Variants in RYR2 observed in about 807,000 individuals in gnomAD.
RYR2 encodes the protein cardiac muscle ryanodine receptor-calcium release channel.
A neutral mutation model predicts 601.1 loss-of-function variants in RYR2; 227 were observed. That is an observed-to-expected ratio of 0.38 (90% CI 0.34 to 0.42). The LOEUF is 0.42. Among genes scored for constraint, RYR2 ranks in the 10% least tolerant of loss-of-function variants. The probability of loss-of-function intolerance (pLI) is 1.00; values close to 1 mark genes in which losing one functional copy is unlikely to be tolerated. For missense variants in RYR2, 4,646 were observed against 6,156.5 expected (o/e 0.75, Z 8.21); for synonymous variants, 2,223 against 2,175.1 (o/e 1.02, Z -0.61).
At chr1:237,789,858 G>C (rs550910459) in intron 92 of RYR2, among the ~76,000 whole-genome samples, 1 of 152,260 alleles carries the variant, frequency 6.6e-6, no homozygotes, top group East Asian at 1.9e-4. Context: ...TGAGAGCTCA[G>C]CCTAGCTAAC....
chr1:237,811,850 G>A (rs1238213496), intron 100 of RYR2, among the ~76,000 whole-genome samples: 2 of 152,074 alleles, frequency 1.3e-5, no homozygotes, highest in Admixed American at 6.6e-5. Flanking sequence ...TGGTTTCCAC[G>A]TGCTAGTGAC....
chr1:237,051,304 T>TCTC (rs1661247115), intron 1 of RYR2, among the ~76,000 whole-genome samples: 2 of 70,786 alleles, frequency 2.8e-5, no homozygotes, highest in African/African-American at 1.3e-4. Context: ...CTCTCTCTCT[T>TCTC]TCTCTTTATC....
At chr1:237,599,808 CAAAA>C (rs56123861) in intron 34 of RYR2, among the ~76,000 whole-genome samples, 6,118 of 107,836 alleles carry the variant, frequency 0.057, 132 homozygotes, top group African/African-American at 0.1. Flanking sequence ...GACTCCATCT[CAAAA>C]AAAAAAAAAA....
At chr1:237,552,380 TA>T (rs911203281) in intron 27 of RYR2, among the ~76,000 whole-genome samples, 3 of 152,294 alleles carry the variant, frequency 2.0e-5, no homozygotes, top group South Asian at 2.1e-4. Flanking sequence ...AAAAACAATT[TA>T]AAAAATAGTT....
intron 17 of RYR2, among the ~76,000 whole-genome samples, chr1:237,490,543 T>C (rs530844346): frequency 1.3e-5 from 2 of 152,326 alleles, no homozygotes; most frequent in African/African-American, 4.8e-5. Flanking sequence ...TCAGTTTTAG[T>C]ATACTTATAT....
intron 3 of RYR2, among the ~76,000 whole-genome samples, chr1:237,340,543 A>ACAC (rs1697678909): frequency 6.6e-6 from 1 of 152,208 alleles, no homozygotes; most frequent in South Asian, 2.1e-4. Flanking sequence ...GTGTGTGTTT[A>ACAC]TATTGTAGAC....
At chr1:237,561,728 G>A (rs997285724) in intron 27 of RYR2, among the ~76,000 whole-genome samples, 4 of 152,160 alleles carry the variant, frequency 2.6e-5, no homozygotes, top group African/African-American at 9.7e-5. Flanking sequence ...AGGAGTACCA[G>A]CCCCAGGAAG....
intron 2 of RYR2, among the ~76,000 whole-genome samples, chr1:237,280,781 G>GTTTTTTTTT (rs35115328): frequency 2.8e-5 from 4 of 143,668 alleles, no homozygotes; most frequent in Non-Finnish European, 4.6e-5. Context: ...CTTCTTACTG[G>GTTTTTTTTT]TTTTTTTTTT....
rs146786776 is a variant in RYR2 at position 237,367,682 on chromosome 1, T to C, written c.310-1852T>C. Among the ~76,000 whole-genome samples the C allele has an allele frequency of 1.9e-4, 29 of 152,342 alleles. No individual in the cohort carries two copies. In the East Asian group the frequency reaches 5.2e-3, roughly 27 times the overall value. ...TTACAAACTTCTCGTCATAATATTT[T>C]GTACCTTCCATGGTCTTTCCCTGAT... On this transcript the variant is annotated intron_variant, in intron 5 of 104. Transcript: ENST00000366574.
At chr1:237,249,644 C>G (rs181027308) in intron 1 of RYR2, among the ~76,000 whole-genome samples, 9 of 152,254 alleles carry the variant, frequency 5.9e-5, no homozygotes, top group Admixed American at 1.3e-4. Flanking sequence ...ATATTTTTAA[C>G]TCAAGTGTTT....
intron 25 of RYR2, 121 bp downstream of exon 25, chr1:237,530,631 C>A: frequency 1.3e-6 from 1 of 795,942 alleles, no homozygotes; most frequent in Non-Finnish European, 2.1e-6. Flanking sequence ...AGATTCAAGG[C>A]TGGGTGCGGT....
chr1:237,792,251 C>A lies in RYR2; in HGVS notation c.13710C>A (p.Pro4570=), dbSNP rs1368100707. 6.2e-7 allele frequency: 1 copy of A among 1,613,796 alleles called. No homozygotes were observed. The highest frequency in any genetic ancestry group is 2.2e-5 in the East Asian group (1 of 44,850). Residue 4570 remains proline, a synonymous_variant, in exon 94 of 105, where the codon CCC becomes CCA. Coordinates refer to ENST00000366574, the MANE Select transcript of RYR2 (RefSeq NM_001035.3). ...VLEESSGYME[P]TLRILAILHT... is the part of the protein sequence containing the mutation. ...AGGAGAGCAGCGGCTACATGGAGCC[C>A]ACGTTGCGTATCTTAGCTATTCTGC...
intron 10 of RYR2, among the ~76,000 whole-genome samples, chr1:237,406,262 A>G (rs534073292): frequency 7.3e-6 from 1 of 136,084 alleles, no homozygotes; most frequent in South Asian, 2.6e-4. Flanking sequence ...GTTTCCCCAT[A>G]CTACTACCTA....
chr1:237,614,306 T>C lies in RYR2; in HGVS notation c.5178T>C (p.Ile1726=). Residue 1726 remains isoleucine (I), a synonymous_variant, in exon 37 of 105, where the codon ATT becomes ATC. Transcript: ENST00000366574. The surrounding 1 kb of genome is among the most constrained non-coding windows in gnomAD (Gnocchi z 4.3). ...GGCTCATGATGAACAACGAGTACAT[T>C]GTCCCCATGACGGAGGAGACGAAGA... ...TARLMMNNEY[I]VPMTEETKSI... is the part of the protein sequence containing the mutation. 1 of 1,614,004 alleles carries C rather than the reference T, an allele frequency of 6.2e-7. No individual in the cohort carries two copies. The highest frequency in any genetic ancestry group is 8.5e-7 in the Non-Finnish European group (1 of 1,179,894).
At chr1:237,407,221 A>G (rs1405616996) in intron 10 of RYR2, among the ~76,000 whole-genome samples, 4 of 152,140 alleles carry the variant, frequency 2.6e-5, no homozygotes, top group Admixed American at 1.3e-4. Flanking sequence ...GTTTATTCAC[A>G]TTTTGGCTGC....
intron 38 of RYR2, among the ~76,000 whole-genome samples, chr1:237,618,470 G>A (rs1162906031): frequency 6.6e-6 from 1 of 152,140 alleles, no homozygotes; most frequent in African/African-American, 2.4e-5. Flanking sequence ...ACAGAACTCA[G>A]GACCCAAGGA....
rs559542655 is a variant in RYR2 at position 237,206,111 on chromosome 1, C to T, written c.49-64386C>T. Among the ~76,000 whole-genome samples the T allele has an allele frequency of 1.1e-4, 16 of 152,282 alleles. No individual in the cohort carries two copies. The South Asian group carries it at 3.3e-3, about 32-fold the overall frequency. ...AGGCAGAAGCCGGCTCACTGGGAGG[C>T]CAAGTTCCAGCCTTTCTGGACAGTG... On this transcript the variant is annotated intron_variant, in intron 1 of 104. Coordinates refer to ENST00000366574, the MANE Select transcript of RYR2 (RefSeq NM_001035.3).
chr1:237,741,545 C>T (rs899783169), intron 79 of RYR2, among the ~76,000 whole-genome samples: 1 of 152,012 alleles, frequency 6.6e-6, no homozygotes, highest in African/African-American at 2.4e-5. Context: ...TACTACAGAC[C>T]ATAATAATAA....
intron 1 of RYR2, among the ~76,000 whole-genome samples, chr1:237,188,002 T>A (rs1301233146): frequency 1.3e-5 from 2 of 152,192 alleles, no homozygotes; most frequent in Non-Finnish European, 2.9e-5. Flanking sequence ...TTTAACTTAC[T>A]CCTCTCCTTG....
Sources: gnomAD v4.1 joint callset for allele counts (sites outside exome capture counted in the v4.1 genomes callset) on GRCh38, gnomAD v4.1.1 for gene constraint, Gnocchi (gnomAD v3.1) non-coding constraint, MANE v1.5 for transcripts, NCBI Gene and HGNC (gene_info 2026-07-23, HGNC 2026-07-21) for gene names.